The following CILP variants were observed in gnomAD, a reference collection of about 807,000 sequenced individuals.
The protein encoded by CILP is cartilage intermediate layer protein 1.
In CILP, 75 loss-of-function variants were observed where a neutral mutation model predicts 82.5. That is an observed-to-expected ratio of 0.91 (90% CI 0.75 to 1.10). The LOEUF (loss-of-function observed/expected upper bound fraction) is 1.10, where lower values mean the gene tolerates loss of function less well. CILP is among the 50% of genes least tolerant of loss of function. The pLI, the probability that CILP is intolerant of heterozygous loss-of-function variation, is 0.00. For missense variants in CILP, 1,479 were observed against 1,530.8 expected (o/e 0.97, Z 0.56); for synonymous variants, 530 against 580.3 (o/e 0.91, Z 1.25).
rs144228125 is a variant in CILP, at chr15:65,198,970, C to T, written c.1316G>A (p.Gly439Glu). ...GCACCTGATCCCATTATCCTGCTGC[C>T]CTGCACAAGTCTTAACAGGGCAGCG... Reference protein sequence around the residue: ...VGRCPVKTCAGQQDNGIRCRD... With the variant: ...VGRCPVKTCAEQQDNGIRCRD... The change falls in exon 9 of 9, where the codon GGG becomes GAG. Residue 439 changes from glycine to glutamate, a missense_variant. By Grantham distance (98) the Gly-to-Glu change is moderately conservative. Coordinates refer to ENST00000261883, the MANE Select transcript of CILP (RefSeq NM_003613.4). 3 of 1,613,642 alleles carry T rather than the reference C, an allele frequency of 1.9e-6. No individual in the cohort carries two copies. The highest frequency in any genetic ancestry group is 2.5e-6 in the Non-Finnish European group (3 of 1,180,032).
chr15:65,197,588 G>C lies in CILP; in HGVS notation c.2698C>G (p.Arg900Gly), dbSNP rs141790957. ...NGPIYAFENL[R>G]ACEEAPPSAA... Reference sequence around the variant, plus strand: ...CTGGGTGGTGCCTCTTCACATGCCCGGAGGTTCTCAAAGGCATAGATGGGC... The same window carrying C: ...CTGGGTGGTGCCTCTTCACATGCCCCGAGGTTCTCAAAGGCATAGATGGGC... The change falls in exon 9 of 9, where the codon CGG becomes GGG. Residue 900 changes from arginine (R) to glycine (G), a missense_variant. Coordinates refer to ENST00000261883, the MANE Select transcript of CILP (RefSeq NM_003613.4). 1 of 1,614,200 alleles carries C rather than the reference G, an allele frequency of 6.2e-7. No homozygotes were observed. The highest frequency in any genetic ancestry group is 8.5e-7 in the Non-Finnish European group (1 of 1,180,038).
chr15:65,198,450 A>G lies in CILP; in HGVS notation c.1836T>C (p.Asn612=). 3 of 1,614,242 alleles carry G rather than the reference A, an allele frequency of 1.9e-6. No homozygotes were observed. The highest frequency in any genetic ancestry group is 2.5e-6 in the Non-Finnish European group (3 of 1,180,044). ...EIPSRSFYRQ[N]GEPYIGKVKA... The stretch of plus-strand genomic sequence containing the variant: ...TCACTTTTCCTATGTAGGGCTCCCC[A>G]TTCTGCCTGTAGAAACTCCTGGATG... The change falls in exon 9 of 9, where the codon AAT becomes AAC. Residue 612 remains asparagine (N), a synonymous_variant. Coordinates refer to ENST00000261883, the MANE Select transcript of CILP (RefSeq NM_003613.4).
chr15:65,204,478 G>A lies in CILP; in HGVS notation c.709C>T (p.Pro237Ser). 6.2e-7 allele frequency: 1 copy of A among 1,613,910 alleles called. No homozygotes were observed. The highest frequency in any genetic ancestry group is 8.5e-7 in the Non-Finnish European group (1 of 1,179,960). The change falls in exon 6 of 9, where the codon CCA becomes TCA. Residue 237 changes from proline (P) to serine (S), a missense_variant. Coordinates refer to ENST00000261883, the MANE Select transcript of CILP (RefSeq NM_003613.4). ...AGGTAGATAGCAGCCCCTGAGGCTG[G>A]GGCACCTCCGGGAAGGGAGACAGCC... ...HGAVSLPGGA[P>S]ASGAAIYLLT...
chr15:65,198,101 A>G lies in CILP; in HGVS notation c.2185T>C (p.Phe729Leu). The change falls in exon 9 of 9, where the codon TTC (phenylalanine) becomes CTC (leucine). Residue 729 changes from phenylalanine to leucine, a missense_variant. Coordinates refer to ENST00000261883, the MANE Select transcript of CILP (RefSeq NM_003613.4). ...QRRNKREDRT[F>L]LVGNLEIRER... ...CGAATCTCCAGGTTGCCCACCAGGA[A>G]GGTTCTGTCTTCTCTTTTGTTCCTC... is the stretch of plus-strand genomic sequence containing the variant. 1 of 1,614,204 alleles carries G rather than the reference A, an allele frequency of 6.2e-7. No homozygotes were observed. The highest frequency in any genetic ancestry group is 8.5e-7 in the Non-Finnish European group (1 of 1,180,032).
rs2088346657 is a variant in CILP, at chr15:65,195,113, G to A, written c.*1618C>T. ...CTAGTCCTCACTCCTGCAGATGCTTGCTTTTTCTATGGTTATTGTGATGTG... is the reference window on the plus strand; with the variant it reads ...CTAGTCCTCACTCCTGCAGATGCTTACTTTTTCTATGGTTATTGTGATGTG... On this transcript the variant is annotated 3_prime_UTR_variant, in exon 9 of 9. Transcript: ENST00000261883. 6.6e-6 allele frequency: 1 copy of A among 152,136 alleles called. No individual in the cohort carries two copies. Among genetic ancestry groups the A allele is most frequent in the Non-Finnish European group, 1.5e-5 (1 of 68,040 alleles). 9.4% of individuals were successfully genotyped at this position (152,136 alleles called of 1,614,324 possible).
chr15:65,207,359 G>A (rs1225309221), intron 3 of CILP, among the ~76,000 whole-genome samples: 1 of 152,110 alleles, frequency 6.6e-6, no homozygotes, highest in Non-Finnish European at 1.5e-5. Context: ...CTTTAAGATC[G>A]TCTAGCTAGG....
Position 65,197,427 on chromosome 15 carries a change from G to A in CILP, c.2859C>T (p.Ala953=). Residue 953 remains alanine (A), a synonymous_variant, in exon 9 of 9, where the codon GCC becomes GCT. Coordinates refer to ENST00000261883, the MANE Select transcript of CILP (RefSeq NM_003613.4). ...CCACAATCTTCACCTTGATATAGCA[G>A]GCCCTGAATTCCATCGGCTTTGGCC... ...AWWPKPMEFR[A]CYIKVKIVGP... 3.7e-6 allele frequency: 6 copies of A among 1,614,204 alleles called. No individual in the cohort carries two copies. Among genetic ancestry groups the A allele is most frequent in the Non-Finnish European group, 4.2e-6 (5 of 1,180,036 alleles).
chr15:65,207,442 G>C (rs1001997148), intron 3 of CILP, among the ~76,000 whole-genome samples: 2 of 152,174 alleles, frequency 1.3e-5, no homozygotes, highest in African/African-American at 4.8e-5. Flanking sequence ...CCACCAGCCT[G>C]TGCTCTGGCC....
At position 65,206,941 on chromosome 15, in the gene CILP, G is replaced by A. The variant is rs756799843; in HGVS notation, c.265C>T (p.Pro89Ser). The change falls in exon 4 of 9, where the codon CCC becomes TCC. Residue 89 changes from proline (P) to serine (S), a missense_variant. Physicochemically the swap from Pro to Ser is moderately conservative, Grantham distance 74. Coordinates refer to ENST00000261883, the MANE Select transcript of CILP (RefSeq NM_003613.4). The part of the protein sequence containing the change: ...FYYGDRVCAR[P>S]LRLEARTTDW... Reference sequence around the variant, plus strand: ...GTGGTCCGAGCCTCTAGCCGCAGGGGACGGGCACATACACGGTCCCCATAG... The same window carrying A: ...GTGGTCCGAGCCTCTAGCCGCAGGGAACGGGCACATACACGGTCCCCATAG... 2 of 1,613,946 alleles carry A rather than the reference G, an allele frequency of 1.2e-6. No homozygotes were observed. The highest frequency in any genetic ancestry group is 1.3e-5 in the African/African-American group (1 of 74,920).
In CILP at chr15:65,210,340, G is replaced by A. The variant is rs114590395; in HGVS notation, c.-106-479C>T. Among the ~76,000 whole-genome samples, 645 of 152,258 alleles carry A rather than the reference G, an allele frequency of 4.2e-3. 7 individuals are homozygous for A. Among genetic ancestry groups the A allele is most frequent in the African/African-American group, 0.015 (605 of 41,542 alleles). ...GCTGGCTGGAGGGTGCAGATGCCTC[G>A]GACATACCACCTCCATGAACACATT... On this transcript the variant is annotated intron_variant, in intron 1 of 8. Coordinates refer to ENST00000261883, the MANE Select transcript of CILP (RefSeq NM_003613.4).
chr15:65,200,570 G>A (rs2088436860), intron 8 of CILP, among the ~76,000 whole-genome samples: 1 of 152,074 alleles, frequency 6.6e-6, no homozygotes, highest in Non-Finnish European at 1.5e-5. Flanking sequence ...TGTTCTTGAA[G>A]CCAGCTCTAG....
At chr15:65,201,835 G>A in intron 8 of CILP, 37 bp downstream of exon 8, 2 of 1,439,704 alleles carry the variant, frequency 1.4e-6, no homozygotes, top group Non-Finnish European at 1.8e-6. Context: ...CAACCCTGTT[G>A]CAGACCCAGG....
intron 2 of CILP, among the ~76,000 whole-genome samples, chr15:65,209,216 C>T (rs2140684590): frequency 6.6e-6 from 1 of 152,074 alleles, no homozygotes; most frequent in Middle Eastern, 3.4e-3. Flanking sequence ...AGTCAGAGGG[C>T]AAGGAGACCG....
chr15:65,207,220 C>T (rs2088527886), intron 3 of CILP, among the ~76,000 whole-genome samples, 169 bp from the exon 4 acceptor site: 4 of 152,182 alleles, frequency 2.6e-5, no homozygotes, highest in Admixed American at 2.6e-4. Flanking sequence ...TTCAAGCTCT[C>T]ATCAGCCTGA....
At position 65,197,829 on chromosome 15, in the gene CILP, G is replaced by T; in HGVS notation, c.2457C>A (p.Ala819=). 1.9e-6 allele frequency: 3 copies of T among 1,614,108 alleles called. No individual in the cohort carries two copies. The highest frequency in any genetic ancestry group is 2.5e-6 in the Non-Finnish European group (3 of 1,180,032). ...GGCTTGCCAAGACATAGGCAGAGTA[G>T]GCATCAGGGGACTGGTCATCACAGA... The part of the protein sequence containing the change: ...PAFCDDQSPD[A]YSAYVLASLA... Residue 819 remains alanine (A), a synonymous_variant, in exon 9 of 9, where the codon GCC becomes GCA. Coordinates refer to ENST00000261883, the MANE Select transcript of CILP (RefSeq NM_003613.4).
chr15:65,207,650 C>G, intron 3 of CILP, 22 bp downstream of exon 3: 1 of 1,609,680 alleles, frequency 6.2e-7, no homozygotes, highest in Middle Eastern at 1.7e-4. Flanking sequence ...TCCAGCCCCT[C>G]CCTGCTTCAG....
In CILP at chr15:65,196,844, C is replaced by T. The variant is rs1355461771; in HGVS notation, c.3442G>A (p.Gly1148Arg). Residue 1148 changes from glycine to arginine, a missense_variant, in exon 9 of 9, where the codon GGA (glycine) becomes AGA (arginine). Transcript: ENST00000261883. Reference protein sequence around the residue: ...AQSPAAGTVQGRVPSRRQQRA... With the variant: ...AQSPAAGTVQRRVPSRRQQRA... The stretch of plus-strand genomic sequence containing the variant: ...TGCTGCCTCCTCGAGGGCACTCTTC[C>T]TTGGACAGTGCCTGCAGCAGGGGAC... 6.2e-7 allele frequency: 1 copy of T among 1,613,664 alleles called. No homozygotes were observed. Among genetic ancestry groups the T allele is most frequent in the South Asian group, 1.1e-5 (1 of 90,976 alleles).
chr15:65,203,960 A>G (rs1595959269), intron 6 of CILP, among the ~76,000 whole-genome samples: 2 of 152,368 alleles, frequency 1.3e-5, no homozygotes, highest in African/African-American at 4.8e-5. Flanking sequence ...GCCAATATCT[A>G]TGGGAAGAAC....
chr15:65,203,898 C>T (rs1426726062), intron 6 of CILP, among the ~76,000 whole-genome samples: 1 of 152,212 alleles, frequency 6.6e-6, no homozygotes, highest in South Asian at 2.1e-4. Context: ...TTGTATTGAC[C>T]GTTAGATAAG....
Sources: gnomAD v4.1 joint callset for allele counts (sites outside exome capture counted in the v4.1 genomes callset) on GRCh38, gnomAD v4.1.1 for gene constraint, MANE v1.5 for transcripts, NCBI Gene and HGNC (gene_info 2026-07-23, HGNC 2026-07-21) for gene names.